The following TCAIM variants were observed in gnomAD, a reference collection of about 807,000 sequenced individuals.
TCAIM encodes T cell activation inhibitor, mitochondrial.
In TCAIM, 36 loss-of-function variants were observed where a neutral mutation model predicts 58.6. The observed-to-expected ratio is 0.61, with a 90% CI of 0.47 to 0.81. The LOEUF is 0.81. Among genes scored for constraint, TCAIM ranks in the 30% least tolerant of loss-of-function variants. The pLI is 0.00. For synonymous variants in TCAIM, 172 were observed against 193.6 expected, an observed-to-expected ratio of 0.89 and a Z score of 0.93; for missense variants, 466 against 579.6, an observed-to-expected ratio of 0.80 and a Z score of 2.01.
upstream of TCAIM, chr3:44,338,290 C>T (rs138536576): frequency 2.8e-4 from 43 of 152,550 alleles, 1 homozygote; most frequent in African/African-American, 9.6e-4. Flanking sequence ...AGCTCTCAGC[C>T]GAGCGCGCCG....
At chr3:44,397,312 C>T (rs982618246) in intron 8 of TCAIM, among the ~76,000 whole-genome samples, 4 of 152,160 alleles carry the variant, frequency 2.6e-5, no homozygotes, top group African/African-American at 9.7e-5. Flanking sequence ...ATCCCACCAC[C>T]CCCTCTCCAA....
At chr3:44,350,173 AG>A (rs913603924) in intron 1 of TCAIM, among the ~76,000 whole-genome samples, 1 of 152,064 alleles carries the variant, frequency 6.6e-6, no homozygotes, top group African/African-American at 2.4e-5. Context: ...GGATTTGGGT[AG>A]GTAGTGAAAA....
chr3:44,358,931 C>T, intron 3 of TCAIM: 2 of 985,246 alleles, frequency 2.0e-6, no homozygotes, highest in Non-Finnish European at 2.4e-6. Flanking sequence ...ATGTTGGCTA[C>T]TCAAAGTCAG....
chr3:44,393,200 G>A (rs991607584), intron 6 of TCAIM, among the ~76,000 whole-genome samples: 2 of 152,130 alleles, frequency 1.3e-5, no homozygotes, highest in South Asian at 2.1e-4. Context: ...GCTCTTGCCT[G>A]TAATCCCAGC....
At chr3:44,374,286 C>CTTTTTTTTTTTTTTTTTT (rs753252645) in intron 5 of TCAIM, among the ~76,000 whole-genome samples, 1 of 119,870 alleles carries the variant, frequency 8.3e-6, no homozygotes, top group Non-Finnish European at 1.8e-5. Context: ...GCTTTGCTTT[C>CTTTTTTTTTTTTTTTTTT]TTTTTTTTTT....
chr3:44,370,318 T>C (rs1437850387), intron 5 of TCAIM, among the ~76,000 whole-genome samples: 1 of 151,938 alleles, frequency 6.6e-6, no homozygotes, highest in African/African-American at 2.4e-5. Flanking sequence ...AAAATTAGCG[T>C]GGTGGTGGGC....
chr3:44,357,305 C>T (rs771663718), intron 2 of TCAIM, among the ~76,000 whole-genome samples: 6 of 151,648 alleles, frequency 4.0e-5, no homozygotes, highest in African/African-American at 1.2e-4. Flanking sequence ...GAGATCACAC[C>T]GCTGCACTCC....
chr3:44,391,468 G>C (rs1333437032), intron 5 of TCAIM: 1 of 152,214 alleles, frequency 6.6e-6, no homozygotes, highest in Non-Finnish European at 1.5e-5. Context: ...GGGATCACAG[G>C]CTTGAGCCAC....
chr3:44,390,949 C>A (rs1701824309), intron 5 of TCAIM, among the ~76,000 whole-genome samples: 1 of 152,110 alleles, frequency 6.6e-6, no homozygotes, highest in Admixed American at 6.5e-5. Context: ...CCATTCTGTC[C>A]CCTCCCCGTC....
chr3:44,402,931 G>T (rs1045753920), intron 10 of TCAIM, among the ~76,000 whole-genome samples: 1 of 152,066 alleles, frequency 6.6e-6, no homozygotes, highest in Non-Finnish European at 1.5e-5. Context: ...TTCATTTGAG[G>T]CTCAGTTTCC....
intron 1 of TCAIM, among the ~76,000 whole-genome samples, chr3:44,343,545 C>T (rs147318063): frequency 2.0e-3 from 307 of 152,240 alleles, no homozygotes; most frequent in African/African-American, 6.3e-3. Context: ...TGTACTGAAT[C>T]TTTTAAATCC....
intron 5 of TCAIM, among the ~76,000 whole-genome samples, chr3:44,373,991 A>G (rs1414703559): frequency 6.6e-6 from 1 of 152,230 alleles, no homozygotes; most frequent in Admixed American, 6.5e-5. Context: ...CTAAGATACC[A>G]GTGAATGTCA....
At chr3:44,339,215 C>CTTAGAATATG (rs1366991498) in intron 1 of TCAIM, among the ~76,000 whole-genome samples, 3 of 152,124 alleles carry the variant, frequency 2.0e-5, no homozygotes, top group African/African-American at 7.2e-5. Context: ...AGTTCATATT[C>CTTAGAATATG]AACTGAAAAG....
intron 1 of TCAIM, among the ~76,000 whole-genome samples, chr3:44,348,078 G>A (rs897021953): frequency 5.9e-5 from 9 of 152,194 alleles, no homozygotes; most frequent in African/African-American, 2.2e-4. Context: ...CCAGAGTTGG[G>A]GAGTTTTAAG....
chr3:44,358,291 A>C, intron 3 of TCAIM: 1 of 988,562 alleles, frequency 1.0e-6, no homozygotes, highest in Non-Finnish European at 1.6e-6. Context: ...ACTCCCCTAC[A>C]ACATCAGTTA....
rs202080599 is a variant in TCAIM, at chr3:44,407,652, G to C, written c.1461G>C (p.Trp487Cys). ...VMQDGDLCIP[W>C]NWKNGEAIK ...AAGATGGAGACCTTTGTATTCCTTG[G>C]AATTGGAAGAATGGAGAAGCCATTA... The change falls in exon 11 of 11, where the codon TGG (tryptophan) becomes TGC (cysteine). Residue 487 changes from tryptophan to cysteine, a missense_variant. Physicochemically the swap from Trp to Cys is radical, Grantham distance 215. Coordinates refer to ENST00000342649, the MANE Select transcript of TCAIM (RefSeq NM_173826.4). The C allele has an allele frequency of 2.7e-4, 426 of 1,606,880 alleles. 3 individuals carry two copies. The highest frequency in any genetic ancestry group is 6.5e-5 in the Non-Finnish European group (76 of 1,177,838).
chr3:44,369,629 A>G (rs1260066874), intron 5 of TCAIM, among the ~76,000 whole-genome samples: 1 of 152,194 alleles, frequency 6.6e-6, no homozygotes, highest in African/African-American at 2.4e-5. Context: ...TTCCTTACCT[A>G]AGCTCAGTAT....
At chr3:44,382,272 T>C (rs1242562754) in intron 5 of TCAIM, among the ~76,000 whole-genome samples, 1 of 152,148 alleles carries the variant, frequency 6.6e-6, no homozygotes, top group Non-Finnish European at 1.5e-5. Flanking sequence ...AAAACAGACA[T>C]ATAGGCCAGG....
chr3:44,354,868 C>T (rs1701161931), intron 2 of TCAIM, 57 bp downstream of exon 2: 23 of 1,552,002 alleles, frequency 1.5e-5, no homozygotes, highest in Non-Finnish European at 2.0e-5. Flanking sequence ...GTCTGTTATG[C>T]ATTTGGTTTA....
Sources: gnomAD v4.1 joint callset for allele counts (sites outside exome capture counted in the v4.1 genomes callset) on GRCh38, gnomAD v4.1.1 for gene constraint, MANE v1.5 for transcripts, NCBI Gene and HGNC (gene_info 2026-07-23, HGNC 2026-07-21) for gene names.